THSD7B: variants seen among roughly 807,000 people sequenced by gnomAD.
THSD7B encodes thrombospondin type 1 domain containing 7B.
In THSD7B, 138 loss-of-function variants were observed where a neutral mutation model predicts 213.6. The observed-to-expected ratio is 0.65, with a 90% CI of 0.56 to 0.74. The LOEUF is 0.74. Among genes scored for constraint, THSD7B ranks in the 30% least tolerant of loss-of-function variants. THSD7B has a pLI of 0.00. For synonymous variants in THSD7B, 742 were observed against 687.0 expected (o/e 1.08, Z -1.25); for missense variants, 1,931 against 1,991.5 (o/e 0.97, Z 0.58).
rs560396539 is a variant in THSD7B, at chr2:137,331,620, C to G, written c.2500+55594C>G. ...TGCCATGTGCTCACACTCCTCAGCC[C>G]TTGGGTGGTCGATGGGACTGGGCGC... On this transcript the variant is annotated intron_variant, in intron 12 of 27. Transcript: ENST00000409968. Among the ~76,000 whole-genome samples the G allele has an allele frequency of 9.2e-5, 14 of 152,324 alleles. No homozygotes were observed. The East Asian group carries it at 1.9e-3, about 21-fold the overall frequency.
chr2:136,871,068 CAAAG>C (rs745844108), intron 1 of THSD7B, among the ~76,000 whole-genome samples: 1 of 152,000 alleles, frequency 6.6e-6, no homozygotes, highest in Admixed American at 6.6e-5. Flanking sequence ...TTCGATGCGA[CAAAG>C]AAGGATTTCA....
At chr2:137,667,688 G>C (rs1028079863) in intron 26 of THSD7B, 86 bp from the exon 27 acceptor site, 77 of 1,071,956 alleles carry the variant, frequency 7.2e-5, no homozygotes, top group Non-Finnish European at 1.0e-4. Context: ...GTCAGCTTGG[G>C]GTTGTCAGAT....
Position 137,123,616 on chromosome 2 carries a change from T to A in THSD7B, c.1369+8323T>A, listed in dbSNP as rs1012826652. Among the ~76,000 whole-genome samples the A allele has an allele frequency of 1.1e-4, 17 of 152,286 alleles. No homozygotes were observed. In the East Asian group the frequency reaches 3.3e-3, roughly 29 times the overall value. On this transcript the variant is annotated intron_variant, in intron 5 of 27. Coordinates refer to ENST00000409968, the MANE Select transcript of THSD7B (RefSeq NM_001316349.2). Reference sequence around the variant, plus strand: ...ATTGTAGGTTTTGCCTTCTAGAGAATTTCAGCGATAACGTTCAATGAATGC... The same window carrying A: ...ATTGTAGGTTTTGCCTTCTAGAGAAATTCAGCGATAACGTTCAATGAATGC...
chr2:136,861,399 G>A (rs1683257532), intron 1 of THSD7B, among the ~76,000 whole-genome samples: 1 of 152,094 alleles, frequency 6.6e-6, no homozygotes, highest in Non-Finnish European at 1.5e-5. Flanking sequence ...TTCCGTGTTG[G>A]GTGCTTAAGA....
intron 2 of THSD7B, among the ~76,000 whole-genome samples, chr2:136,960,891 C>T (rs1414573976): frequency 2.0e-5 from 3 of 151,398 alleles, no homozygotes. Context: ...AGATCAAGAC[C>T]ATCCTGGCTA....
intron 24 of THSD7B, among the ~76,000 whole-genome samples, chr2:137,657,596 T>C (rs1683261303): frequency 6.6e-6 from 1 of 152,232 alleles, no homozygotes; most frequent in African/African-American, 2.4e-5. Context: ...ATATTCTGTA[T>C]GTTAATGATG....
intron 2 of THSD7B, among the ~76,000 whole-genome samples, chr2:137,003,529 A>G (rs1212000149): frequency 2.0e-5 from 3 of 152,230 alleles, no homozygotes; most frequent in East Asian, 1.9e-4. Context: ...ATTGTGAAGT[A>G]TAATGTAAGA....
At chr2:137,510,199 A>G (rs921261194) in intron 15 of THSD7B, among the ~76,000 whole-genome samples, 3 of 151,952 alleles carry the variant, frequency 2.0e-5, no homozygotes, top group Non-Finnish European at 4.4e-5. Flanking sequence ...TTATTCCTCT[A>G]TTCTTTCTAT....
intron 15 of THSD7B, among the ~76,000 whole-genome samples, chr2:137,558,302 C>T (rs1654194079): frequency 6.6e-6 from 1 of 152,038 alleles, no homozygotes; most frequent in African/African-American, 2.4e-5. Flanking sequence ...AACATCGATG[C>T]AAAAATCCTT....
chr2:137,662,511 C>G (rs1433371827), intron 25 of THSD7B, among the ~76,000 whole-genome samples: 1 of 152,020 alleles, frequency 6.6e-6, no homozygotes, highest in Non-Finnish European at 1.5e-5. Context: ...TGGTGGGGGA[C>G]CCTTCTCCTG....
chr2:137,628,037 G>A (rs1443237463), intron 20 of THSD7B, among the ~76,000 whole-genome samples: 3 of 151,972 alleles, frequency 2.0e-5, no homozygotes, highest in African/African-American at 7.3e-5. Flanking sequence ...TTTTGCACAT[G>A]TTAGCGGTTT....
chr2:137,183,798 A>G (rs79243302), intron 7 of THSD7B, among the ~76,000 whole-genome samples: 1,815 of 152,244 alleles, frequency 0.012, 32 homozygotes, highest in African/African-American at 0.041. Context: ...AAGAACATCT[A>G]TGGAAAATCA....
At chr2:137,533,289 G>A (rs112439215) in intron 15 of THSD7B, among the ~76,000 whole-genome samples, 3,113 of 151,752 alleles carry the variant, frequency 0.021, 102 homozygotes, top group African/African-American at 0.071. Flanking sequence ...GTTTCCCATA[G>A]GAAATAAGTC....
chr2:136,852,995 A>G lies in THSD7B; in HGVS notation c.-35-29149A>G, dbSNP rs550379843. On this transcript the variant is annotated intron_variant, in intron 1 of 27. Coordinates refer to ENST00000409968, the MANE Select transcript of THSD7B (RefSeq NM_001316349.2). ...CAGTTTCCCTAATTGTTAACATTTT[A>G]TATATTTCCCCATCCCACCACTTTG... Among the ~76,000 whole-genome samples the G allele has an allele frequency of 7.9e-5, 12 of 152,174 alleles. No homozygotes were observed. The South Asian group carries it at 2.5e-3, about 32-fold the overall frequency.
intron 2 of THSD7B, among the ~76,000 whole-genome samples, chr2:136,970,544 A>G (rs1685389025): frequency 6.6e-6 from 1 of 152,154 alleles, no homozygotes. Context: ...AAGGAAACAT[A>G]AGAACATGGA....
intron 12 of THSD7B, among the ~76,000 whole-genome samples, chr2:137,357,675 C>A (rs1422167852): frequency 6.6e-6 from 1 of 152,168 alleles, no homozygotes; most frequent in South Asian, 2.1e-4. Flanking sequence ...GATAGCCTAA[C>A]TTGTCTCTCT....
intron 27 of THSD7B, among the ~76,000 whole-genome samples, chr2:137,675,077 G>C (rs1683666095): frequency 6.6e-6 from 1 of 151,974 alleles, no homozygotes. Flanking sequence ...TAAGAAGCCA[G>C]ACACAATAGA....
At chr2:137,372,909 C>A (rs1462692638) in intron 12 of THSD7B, among the ~76,000 whole-genome samples, 1 of 138,094 alleles carries the variant, frequency 7.2e-6, no homozygotes, top group Non-Finnish European at 1.5e-5. Context: ...CATGTGTTCT[C>A]ATTGTTCAAT....
intron 1 of THSD7B, among the ~76,000 whole-genome samples, chr2:136,845,650 G>T (rs746458349): frequency 6.6e-6 from 1 of 152,120 alleles, no homozygotes; most frequent in Non-Finnish European, 1.5e-5. Context: ...CATCAGAAAG[G>T]CACTGTTATG....
Sources: allele counts gnomAD v4.1 joint callset (sites outside exome capture counted in the v4.1 genomes callset), GRCh38; gene constraint gnomAD v4.1.1; transcripts MANE v1.5; gene names NCBI Gene and HGNC (gene_info 2026-07-23, HGNC 2026-07-21).